NUP188: variants seen among roughly 807,000 people sequenced by gnomAD.
NUP188 encodes nucleoporin NUP188.
Under a neutral mutation model 223.0 loss-of-function variants are expected in NUP188, and 97 were observed. That is an observed-to-expected ratio of 0.43 (90% CI 0.37 to 0.51). NUP188 has a LOEUF of 0.51. Among genes scored for constraint, NUP188 ranks in the 20% least tolerant of loss-of-function variants. The pLI is 0.00. For synonymous variants in NUP188, 869 were observed against 828.0 expected (o/e 1.05, Z -0.85); for missense variants, 1,947 against 2,175.6 (o/e 0.89, Z 2.09).
chr9:128,980,613 C>T lies in NUP188; in HGVS notation c.1277C>T (p.Thr426Ile). 6.2e-7 allele frequency: 1 copy of T among 1,612,456 alleles called. No homozygotes were observed. Among genetic ancestry groups the T allele is most frequent in the Non-Finnish European group, 8.5e-7 (1 of 1,179,194 alleles). ...LPELFWGTEP[T>I]SGLGIILDSV... The stretch of plus-strand genomic sequence containing the variant: ...TGTCCCCTTCCACCACAGGAGCCAA[C>T]TTCTGGCCTTGGGATCATTCTGGAC... Residue 426 changes from threonine to isoleucine, a missense_variant, in exon 14 of 44, where the codon ACT becomes ATT. Physicochemically the swap from Thr to Ile is moderately conservative, Grantham distance 89. This residue lies in a region of NUP188 where 817 missense variants were observed against 865.8 expected (regional missense o/e 0.94). Coordinates refer to ENST00000372577, the MANE Select transcript of NUP188 (RefSeq NM_015354.3).
chr9:128,973,772 CAT>C (rs1842134939), intron 12 of NUP188, among the ~76,000 whole-genome samples: 1 of 152,166 alleles, frequency 6.6e-6, no homozygotes, highest in African/African-American at 2.4e-5. Flanking sequence ...AGTCCTATCA[CAT>C]AGATAACTTG....
At chr9:128,975,152 G>T (rs1339654869) in intron 12 of NUP188, among the ~76,000 whole-genome samples, 1 of 148,608 alleles carries the variant, frequency 6.7e-6, no homozygotes, top group Non-Finnish European at 1.5e-5. Flanking sequence ...TGATAGCTCT[G>T]TTGCTTTCTT....
intron 8 of NUP188, among the ~76,000 whole-genome samples, chr9:128,966,028 C>T (rs1443424617): frequency 6.6e-6 from 1 of 151,812 alleles, no homozygotes; most frequent in African/African-American, 2.4e-5. Flanking sequence ...AACTCCTGAC[C>T]TCATGATCTG....
intron 12 of NUP188, among the ~76,000 whole-genome samples, chr9:128,974,014 G>A (rs1488784948): frequency 1.3e-5 from 2 of 152,028 alleles, no homozygotes; most frequent in Non-Finnish European, 2.9e-5. Flanking sequence ...GGGTTCAAGC[G>A]ATTCTTCTGC....
At chr9:128,996,211 G>A (rs1393931287) in intron 30 of NUP188, among the ~76,000 whole-genome samples, 2 of 151,326 alleles carry the variant, frequency 1.3e-5, no homozygotes, top group Admixed American at 6.6e-5. Context: ...ATGCAGTGGT[G>A]CGATCTTGGC....
intron 25 of NUP188, among the ~76,000 whole-genome samples, chr9:128,991,126 C>T (rs1485746326): frequency 1.3e-5 from 2 of 151,010 alleles, no homozygotes; most frequent in African/African-American, 2.4e-5. Context: ...TTCCAAGAAT[C>T]CCTATGGGCA....
chr9:128,986,171 A>T (rs1842330808), intron 20 of NUP188, among the ~76,000 whole-genome samples: 2 of 152,172 alleles, frequency 1.3e-5, no homozygotes. Context: ...TTTGCATATC[A>T]GATCTCCTTT....
chr9:128,955,290 ATT>A (rs909517333), intron 3 of NUP188, among the ~76,000 whole-genome samples: 8 of 152,040 alleles, frequency 5.3e-5, no homozygotes, highest in African/African-American at 1.9e-4. Context: ...CTCTTTTCCT[ATT>A]TTATTTTTTG....
intron 19 of NUP188, among the ~76,000 whole-genome samples, chr9:128,984,143 T>TTTTTTTTTTTTTTTTTTTTTTTGTTG (rs1842297844): frequency 6.9e-6 from 1 of 145,030 alleles, no homozygotes; most frequent in African/African-American, 2.7e-5. Flanking sequence ...TTTTTTTTTT[T>TTTTTTTTTTTTTTTTTTTTTTTGTTG]GAGATGGAGT....
At chr9:128,985,206 AG>A in intron 20 of NUP188, 192 bp downstream of exon 20, 1 of 502,848 alleles carries the variant, frequency 2.0e-6, no homozygotes, top group East Asian at 3.3e-5. Context: ...GTACTCTATT[AG>A]GTGCTTAATT....
At chr9:128,986,759 G>A (rs753014802) in intron 21 of NUP188, 50 bp from the exon 22 acceptor site, 2 of 1,613,748 alleles carry the variant, frequency 1.2e-6, no homozygotes, top group Non-Finnish European at 1.7e-6. Context: ...CTTGAGATAA[G>A]GGGTCATTTC....
intron 1 of NUP188, among the ~76,000 whole-genome samples, chr9:128,948,793 T>C (rs1841731881): frequency 7.5e-6 from 1 of 134,176 alleles, no homozygotes; most frequent in Non-Finnish European, 1.6e-5. Context: ...TGGCACGATC[T>C]CGGCTCACTG....
In NUP188 at chr9:129,006,810, G is replaced by T. The variant is rs1414119409; in HGVS notation, c.*132G>T. The T allele has an allele frequency of 3.3e-6, 3 of 896,342 alleles. No homozygotes were observed. Among genetic ancestry groups the T allele is most frequent in the Non-Finnish European group, 4.9e-6 (3 of 608,166 alleles). The allele number at this position is 896,342 out of a possible 1,614,324, so 55.5% of individuals were successfully genotyped here. ...GTCACCCCCCTCCCGGAGTAGCCAC[G>T]ACTCCAGCCACCACCCACTGACGTT... is the stretch of plus-strand genomic sequence containing the variant. On this transcript the variant is annotated 3_prime_UTR_variant, in exon 44 of 44. Transcript: ENST00000372577.
chr9:128,984,848 T>C, intron 19 of NUP188, 52 bp from the exon 20 acceptor site: 3 of 1,299,750 alleles, frequency 2.3e-6, no homozygotes, highest in Non-Finnish European at 3.3e-6. Context: ...ATTAGTTTCT[T>C]GAAACCTTGA....
chr9:128,988,796 G>C (rs11506952), intron 24 of NUP188, among the ~76,000 whole-genome samples: 5,938 of 143,376 alleles, frequency 0.041, 409 homozygotes, highest in African/African-American at 0.14. Flanking sequence ...GCGCAATCTC[G>C]GCTTACTGCA....
intron 9 of NUP188, among the ~76,000 whole-genome samples, chr9:128,968,919 T>G (rs2181257): frequency 6.6e-6 from 1 of 152,222 alleles, no homozygotes; most frequent in Non-Finnish European, 1.5e-5. Context: ...TCTGCTCTTT[T>G]ACTTACTGTC....
chr9:128,949,753 C>G (rs375834078), intron 2 of NUP188, among the ~76,000 whole-genome samples: 1 of 151,988 alleles, frequency 6.6e-6, no homozygotes, highest in African/African-American at 2.4e-5. Context: ...CACAGCCTCC[C>G]GAGTAGCTGA....
chr9:128,967,332 A>G (rs1842043717), intron 8 of NUP188, among the ~76,000 whole-genome samples: 2 of 152,116 alleles, frequency 1.3e-5, no homozygotes, highest in South Asian at 2.1e-4. Flanking sequence ...AATTTTTACT[A>G]TACCTTTATA....
chr9:128,997,160 G>T (rs1222193727), intron 30 of NUP188, among the ~76,000 whole-genome samples: 1 of 152,226 alleles, frequency 6.6e-6, no homozygotes, highest in African/African-American at 2.4e-5. Flanking sequence ...AAGCCTTCCA[G>T]GTGGAGCCCG....
Sources: allele counts gnomAD v4.1 joint callset (sites outside exome capture counted in the v4.1 genomes callset), GRCh38; gene constraint gnomAD v4.1.1; regional missense constraint gnomAD v4.1.1; transcripts MANE v1.5; gene names NCBI Gene and HGNC (gene_info 2026-07-23, HGNC 2026-07-21).